The following WNK3 variants were observed in gnomAD, a reference collection of about 807,000 sequenced individuals.
WNK3 encodes the protein serine/threonine-protein kinase WNK3.
A neutral mutation model predicts 116.7 loss-of-function variants in WNK3; 18 were observed. The ratio of observed to expected loss-of-function variants is 0.15; its 90% CI spans 0.11 to 0.23. The LOEUF (loss-of-function observed/expected upper bound fraction) is 0.23, where lower values mean the gene tolerates loss of function less well. Ranked by LOEUF, WNK3 falls within the 10% of genes least tolerant of loss-of-function variation. The pLI is 1.00. For missense variants in WNK3, 993 were observed against 1,323.8 expected (o/e 0.75, Z 3.88); for synonymous variants, 404 against 469.4 (o/e 0.86, Z 1.80).
chrX:54,201,704 T>C (rs782415796), intron 23 of WNK3, among the ~76,000 whole-genome samples: 2 of 112,215 alleles, frequency 1.8e-5, no homozygotes, highest in African/African-American at 6.5e-5. Flanking sequence ...TTTGGTTACA[T>C]ATTCTCTATG....
Position 54,197,353 on chromosome X carries a change from C to G in WNK3, c.*971G>C, listed in dbSNP as rs1179674290. On this transcript the variant is annotated 3_prime_UTR_variant, in exon 24 of 24. Transcript: ENST00000354646. ...TATCTGCAGAATCAAGGAACTGTTA[C>G]AATTCTGTTTTTTCCCTTTCCCTCT... 3 of 112,205 alleles carry G rather than the reference C, an allele frequency of 2.7e-5. No homozygotes were observed. In the East Asian group the frequency reaches 8.3e-4, roughly 31 times the overall value. The allele number at this position is 112,205 out of a possible 1,213,427, so 9.2% of individuals were successfully genotyped here.
intron 2 of WNK3, among the ~76,000 whole-genome samples, chrX:54,321,884 G>A (rs782586337): frequency 4.6e-5 from 5 of 108,184 alleles, no homozygotes; most frequent in South Asian, 4.2e-4. Flanking sequence ...CGCTTGACCC[G>A]GGAGGCAGAA....
At chrX:54,328,621 A>C (rs1466956403) in intron 2 of WNK3, among the ~76,000 whole-genome samples, 1 of 111,177 alleles carries the variant, frequency 9.0e-6, no homozygotes, top group African/African-American at 3.3e-5. Flanking sequence ...AAAAAAAAGG[A>C]GAAGACGAAG....
chrX:54,304,517 G>A (rs2068802104), intron 5 of WNK3, among the ~76,000 whole-genome samples: 1 of 108,441 alleles, frequency 9.2e-6, no homozygotes, highest in African/African-American at 3.4e-5. Context: ...CTCAAGCCTG[G>A]GTGACAGAGC....
intron 1 of WNK3, among the ~76,000 whole-genome samples, chrX:54,343,990 T>C (rs183248973): frequency 3.7e-4 from 41 of 111,335 alleles, no homozygotes; most frequent in Middle Eastern, 9.3e-3. Context: ...ATAATTCCAT[T>C]CTATTTATCT....
intron 17 of WNK3, among the ~76,000 whole-genome samples, chrX:54,245,142 A>ATGCG (rs1557152424): frequency 3.4e-5 from 3 of 89,467 alleles, no homozygotes; most frequent in Admixed American, 1.2e-4. Flanking sequence ...GTACATATAT[A>ATGCG]TGCGTGTGTG....
At chrX:54,251,783 G>A in intron 13 of WNK3, 96 bp from the exon 14 acceptor site, 1 of 901,573 alleles carries the variant, frequency 1.1e-6, no homozygotes, top group East Asian at 3.5e-5. Context: ...AAAGAAAATT[G>A]GGCCAGGCAC....
At chrX:54,263,519 T>C (rs979199365) in intron 10 of WNK3, among the ~76,000 whole-genome samples, 1 of 112,383 alleles carries the variant, frequency 8.9e-6, no homozygotes, top group Non-Finnish European at 1.9e-5. Context: ...GATTTTACTA[T>C]ATGTACATTA....
chrX:54,300,628 C>G (rs1366582565), intron 6 of WNK3, among the ~76,000 whole-genome samples: 2 of 111,792 alleles, frequency 1.8e-5, no homozygotes, highest in African/African-American at 3.3e-5. Context: ...TTCCAGTGCT[C>G]TTTGGTAATA....
intron 1 of WNK3, among the ~76,000 whole-genome samples, chrX:54,340,714 G>A (rs1317312610): frequency 1.8e-5 from 2 of 111,177 alleles, no homozygotes; most frequent in Non-Finnish European, 3.8e-5. Flanking sequence ...AAATCCAAAA[G>A]ACCAATAAAC....
rs782811375 is a variant in WNK3 at position 54,302,757 on chromosome X, A to AT, written c.1090-899dup. 6.8e-3 allele frequency among the ~76,000 whole-genome samples: 297 copies of AT among 43,398 alleles called. 4 individuals carry two copies. The highest frequency in any genetic ancestry group is 0.022 in the Middle Eastern group (1 of 45). The allele number at this position is 43,398 out of a possible 115,157, so 37.7% of individuals were successfully genotyped here. ...TATATATATATATATATATATATAT[A>AT]TTTTTTTTTTTTTTTTTATTTTTAA... On this transcript the variant is annotated intron_variant, in intron 5 of 23. Coordinates refer to ENST00000354646, the Ensembl canonical transcript of WNK3.
chrX:54,316,539 CAAA>C (rs781865793), intron 2 of WNK3, among the ~76,000 whole-genome samples: 1 of 35,526 alleles, frequency 2.8e-5, no homozygotes, highest in Non-Finnish European at 5.4e-5. Flanking sequence ...GACTCCATCT[CAAA>C]AAAAAAAAAA....
chrX:54,358,706 C>A (rs1557179845), upstream of WNK3: 1 of 113,196 alleles, frequency 8.8e-6, no homozygotes, highest in African/African-American at 3.2e-5. Context: ...GAAAGGGAAG[C>A]TATGAAACTG....
chrX:54,320,816 C>T (rs1557172075), intron 2 of WNK3, among the ~76,000 whole-genome samples: 1 of 110,711 alleles, frequency 9.0e-6, no homozygotes, highest in Non-Finnish European at 1.9e-5. Flanking sequence ...CATGAGGTTG[C>T]TCAGTATTTT....
chrX:54,219,577 C>T (rs782778441), intron 22 of WNK3, among the ~76,000 whole-genome samples: 3 of 98,593 alleles, frequency 3.0e-5, no homozygotes. Context: ...ACTCGGGAGG[C>T]TGAGGCAGGA....
At chrX:54,291,312 C>CA (rs201938164) in intron 10 of WNK3, among the ~76,000 whole-genome samples, 1,194 of 109,134 alleles carry the variant, frequency 0.011, 12 homozygotes, top group South Asian at 0.033. Flanking sequence ...GACTCCATCT[C>CA]AAAAAAAACA....
intron 10 of WNK3, among the ~76,000 whole-genome samples, chrX:54,290,455 T>C (rs1306231959): frequency 1.8e-5 from 2 of 111,417 alleles, no homozygotes; most frequent in African/African-American, 6.5e-5. Context: ...GACATACTGA[T>C]AGAGAAAATA....
At chrX:54,317,158 CTTTT>C (rs782412506) in intron 2 of WNK3, among the ~76,000 whole-genome samples, 1 of 98,497 alleles carries the variant, frequency 1.0e-5, no homozygotes, top group Admixed American at 1.1e-4. Flanking sequence ...ATGGATGAAT[CTTTT>C]TTTTTTTTTT....
chrX:54,302,753 ATATATTT>A (rs1474439743), intron 5 of WNK3, among the ~76,000 whole-genome samples: 72 of 41,246 alleles, frequency 1.7e-3, no homozygotes, highest in African/African-American at 5.6e-3. Flanking sequence ...ATATATATAT[ATATATTT>A]TTTTTTTTTT....
Sources: allele counts gnomAD v4.1 joint callset (sites outside exome capture counted in the v4.1 genomes callset), GRCh38; gene constraint gnomAD v4.1.1; transcripts MANE v1.5; gene names NCBI Gene and HGNC (gene_info 2026-07-23, HGNC 2026-07-21).